IRS1: variants seen among roughly 807,000 people sequenced by gnomAD.
IRS1 encodes insulin receptor substrate 1.
Under a neutral mutation model 65.6 loss-of-function variants are expected in IRS1, and 34 were observed. The observed-to-expected ratio is 0.52, with a 90% CI of 0.39 to 0.69. The LOEUF (loss-of-function observed/expected upper bound fraction) is 0.69. IRS1 is among the 30% of genes least tolerant of loss of function. The pLI, the probability that IRS1 is intolerant of heterozygous loss-of-function variation, is 0.00. For synonymous variants in IRS1, 699 were observed against 683.5 expected (o/e 1.02, Z -0.35); for missense variants, 1,641 against 1,720.2 (o/e 0.95, Z 0.81).
At chr2:226,752,791 C>G (rs751514966) in intron 1 of IRS1, among the ~76,000 whole-genome samples, 2 of 152,200 alleles carry the variant, frequency 1.3e-5, no homozygotes, top group Non-Finnish European at 2.9e-5. Flanking sequence ...GCCTGTAAGG[C>G]ACTCACTGCT....
At chr2:226,778,553 A>C (rs893181686) in intron 1 of IRS1, among the ~76,000 whole-genome samples, 3 of 152,156 alleles carry the variant, frequency 2.0e-5, no homozygotes, top group Non-Finnish European at 1.5e-5. Context: ...AAAAAAAAAA[A>C]CTTTTGGAAA....
Position 226,796,000 on chromosome 2 carries a change from C to T in IRS1, c.2739G>A (p.Val913=), listed in dbSNP as rs763475718. The change falls in exon 1 of 2, where the codon GTG becomes GTA. Residue 913 remains valine (V), a synonymous_variant. Transcript: ENST00000305123. ...SDQSGYLSGP[V]AFHSSPSVRC... Reference sequence around the variant, plus strand: ...TGACAGAAGGTGAGCTGTGGAAAGCCACCGGGCCAGACAAGTAGCCAGACT... The same window carrying T: ...TGACAGAAGGTGAGCTGTGGAAAGCTACCGGGCCAGACAAGTAGCCAGACT... 3.1e-6 allele frequency: 5 copies of T among 1,614,048 alleles called. No homozygotes were observed. The highest frequency in any genetic ancestry group is 1.6e-4 in the Middle Eastern group (1 of 6,084).
At position 226,795,531 on chromosome 2, in the gene IRS1, T is replaced by C; in HGVS notation, c.3208A>G (p.Ser1070Gly). The C allele has an allele frequency of 1.2e-6, 2 of 1,613,234 alleles. No homozygotes were observed. Among genetic ancestry groups the C allele is most frequent in the Non-Finnish European group, 8.5e-7 (1 of 1,179,982 alleles). Residue 1070 changes from serine to glycine, a missense_variant, in exon 1 of 2, where the codon AGC becomes GGC. Around this residue, in one of 3 missense-constraint regions of IRS1, gnomAD observed 1,324 missense variants for 1,361.0 expected, o/e 0.97. Transcript: ENST00000305123. ...LGGPQGPGGM[S>G]AFTRVNLSPN... ...CTGAGGTTCACCCGGGTGAAGGCGC[T>C]CATGCCCCCAGGTCCTTGTGGGCCC...
Position 226,798,738 on chromosome 2 carries a change from T to TGCTGCCACCGCCAC in IRS1, c.-14_-1dup, listed in dbSNP as rs777101115. ...CCATCGCTCTCCGGAGGGCTCGCCA[T>TGCTGCCACCGCCAC]GCTGCCACCGCCACCACCAACGCTG... is the stretch of plus-strand genomic sequence containing the variant. On this transcript the variant is annotated 5_prime_UTR_variant, in exon 1 of 2. Coordinates refer to ENST00000305123, the MANE Select transcript of IRS1 (RefSeq NM_005544.3). The surrounding 1 kb of genome is among the most constrained non-coding windows in gnomAD (Gnocchi z 9.4). The TGCTGCCACCGCCAC allele has an allele frequency of 6.2e-7, 1 of 1,610,450 alleles. No homozygotes were observed. Among genetic ancestry groups the TGCTGCCACCGCCAC allele is most frequent in the Non-Finnish European group, 8.5e-7 (1 of 1,179,110 alleles).
chr2:226,775,205 G>C (rs540618426), intron 1 of IRS1, among the ~76,000 whole-genome samples: 8 of 152,316 alleles, frequency 5.3e-5, no homozygotes, highest in Non-Finnish European at 5.9e-5. Flanking sequence ...AGGAGAATAA[G>C]GTGCTGACCG....
intron 1 of IRS1, among the ~76,000 whole-genome samples, chr2:226,751,608 G>GCCC (rs1938685244): frequency 6.6e-6 from 1 of 152,004 alleles, no homozygotes; most frequent in Non-Finnish European, 1.5e-5. Context: ...ACCCTGCTTA[G>GCCC]TGTTCAGGCT....
At chr2:226,786,873 A>C (rs144851662) in intron 1 of IRS1, among the ~76,000 whole-genome samples, 21 of 152,178 alleles carry the variant, frequency 1.4e-4, no homozygotes, top group African/African-American at 4.8e-4. Context: ...TCATCAAAAC[A>C]GAGGGAGAAA....
chr2:226,778,994 C>T (rs1559154779), intron 1 of IRS1, among the ~76,000 whole-genome samples: 1 of 152,174 alleles, frequency 6.6e-6, no homozygotes, highest in Non-Finnish European at 1.5e-5. Flanking sequence ...TCTAAGAAAG[C>T]TTGAAGTTTT....
intron 1 of IRS1, among the ~76,000 whole-genome samples, chr2:226,785,147 T>C (rs1939463407): frequency 6.6e-6 from 1 of 152,174 alleles, no homozygotes; most frequent in Admixed American, 6.5e-5. Flanking sequence ...ATCCAGAAAG[T>C]CTTCAAAAAG....
intron 1 of IRS1, among the ~76,000 whole-genome samples, chr2:226,750,124 C>T (rs1029969246): frequency 4.2e-4 from 64 of 151,970 alleles, no homozygotes; most frequent in Admixed American, 3.3e-3. Context: ...TGGTACATGC[C>T]TGTAATCCAA....
chr2:226,748,177 C>G (rs1938593475), intron 1 of IRS1, among the ~76,000 whole-genome samples: 1 of 151,044 alleles, frequency 6.6e-6, no homozygotes, highest in Non-Finnish European at 1.5e-5. Context: ...CCTGTAATAC[C>G]AGCACTTTGA....
At chr2:226,791,758 G>T (rs919227845) in intron 1 of IRS1, among the ~76,000 whole-genome samples, 4 of 151,850 alleles carry the variant, frequency 2.6e-5, no homozygotes, top group African/African-American at 9.7e-5. Context: ...CGCCCCGCCC[G>T]CCCGGGACCC....
In IRS1 at chr2:226,758,072, G is replaced by A. The variant is rs961949973; in HGVS notation, c.*22-21822C>T. Among the ~76,000 whole-genome samples the A allele has an allele frequency of 8.5e-5, 13 of 152,292 alleles. No homozygotes were observed. In the South Asian group the frequency reaches 2.1e-3, roughly 24 times the overall value. On this transcript the variant is annotated intron_variant, in intron 1 of 1. Coordinates refer to ENST00000305123, the MANE Select transcript of IRS1 (RefSeq NM_005544.3). The stretch of plus-strand genomic sequence containing the variant: ...CTGATTTTGAAGGAAAAGAAAATGA[G>A]AGAGGCAGAGACAAAAAAATGGATT...
intron 1 of IRS1, among the ~76,000 whole-genome samples, chr2:226,781,283 G>C (rs1463685726): frequency 6.6e-6 from 1 of 152,114 alleles, no homozygotes; most frequent in Admixed American, 6.5e-5. Flanking sequence ...TCAGCTAAGA[G>C]AGTTGTTCCT....
chr2:226,750,953 A>C (rs764138551), intron 1 of IRS1, among the ~76,000 whole-genome samples: 1 of 152,200 alleles, frequency 6.6e-6, no homozygotes, highest in Non-Finnish European at 1.5e-5. Flanking sequence ...GTGGCAAAGG[A>C]GTAAAGAACC....
chr2:226,737,966 G>A (rs1464969919), intron 1 of IRS1, among the ~76,000 whole-genome samples: 10 of 152,180 alleles, frequency 6.6e-5, no homozygotes, highest in Non-Finnish European at 1.5e-4. Flanking sequence ...TGGTAGCCGT[G>A]AGCAGGCTCA....
At chr2:226,791,813 G>A (rs1939613774) in intron 1 of IRS1, among the ~76,000 whole-genome samples, 1 of 152,002 alleles carries the variant, frequency 6.6e-6, no homozygotes. Context: ...GCCCGCCAGC[G>A]CCGACCACGC....
chr2:226,790,468 A>G (rs1329485887), intron 1 of IRS1, among the ~76,000 whole-genome samples: 5 of 152,236 alleles, frequency 3.3e-5, no homozygotes, highest in African/African-American at 9.6e-5. Flanking sequence ...ATTTATTTTT[A>G]CTATAAAAAG....
At chr2:226,784,802 C>T (rs1939457700) in intron 1 of IRS1, among the ~76,000 whole-genome samples, 1 of 152,234 alleles carries the variant, frequency 6.6e-6, no homozygotes, top group African/African-American at 2.4e-5. Flanking sequence ...TATTCATCCT[C>T]TTCCTGGACC....
Sources: allele counts gnomAD v4.1 joint callset (sites outside exome capture counted in the v4.1 genomes callset), GRCh38; gene constraint gnomAD v4.1.1; regional missense constraint gnomAD v4.1.1; non-coding constraint Gnocchi (gnomAD v3.1); transcripts MANE v1.5; gene names NCBI Gene and HGNC (gene_info 2026-07-23, HGNC 2026-07-21).